Variants in TUSC3 observed in about 807,000 individuals in gnomAD.
TUSC3 encodes the protein dolichyl-diphosphooligosaccharide--protein glycosyltransferase subunit TUSC3.
In TUSC3, 45 loss-of-function variants were observed where a neutral mutation model predicts 44.8. The observed-to-expected ratio is 1.00, with a 90% confidence interval of 0.79 to 1.29. The LOEUF is 1.29. TUSC3 is among the 50% of genes most tolerant of loss of function. The pLI is 0.00. For synonymous variants in TUSC3, 212 were observed against 152.9 expected (o/e 1.39, Z -2.85); for missense variants, 519 against 437.9 (o/e 1.19, Z -1.65).
the TUSC3 span, among the ~76,000 whole-genome samples, chr8:15,804,435 T>G: frequency 1.3e-5 from 2 of 152,204 alleles, no homozygotes; most frequent in Admixed American, 1.3e-4. Context: ...TTTTTTAGGT[T>G]TTCTTCTAGG....
chr8:15,757,630 G>C (rs1309373803), intron 9 of TUSC3, among the ~76,000 whole-genome samples, 161 bp from the exon 10 acceptor site: 1 of 151,914 alleles, frequency 6.6e-6, no homozygotes, highest in African/African-American at 2.4e-5. Context: ...AGATGATTAA[G>C]AGATAAGCTG....
chr8:15,805,590 G>C, the TUSC3 span, among the ~76,000 whole-genome samples: 1 of 152,126 alleles, frequency 6.6e-6, no homozygotes, highest in Non-Finnish European at 1.5e-5. Context: ...AGATGATCAC[G>C]TGATTTTTGT....
chr8:15,622,604 CT>C (rs1384231620), intron 1 of TUSC3, among the ~76,000 whole-genome samples: 1 of 152,160 alleles, frequency 6.6e-6, no homozygotes, highest in Non-Finnish European at 1.5e-5. Context: ...CTATTTTTGA[CT>C]TTAAGTAGAA....
chr8:15,713,240 T>C (rs1401876023), intron 6 of TUSC3, among the ~76,000 whole-genome samples: 1 of 152,194 alleles, frequency 6.6e-6, no homozygotes, highest in Non-Finnish European at 1.5e-5. Context: ...TACAGTTTTA[T>C]GTGGTTTCTT....
chr8:15,587,251 C>T (rs1414086285), intron 1 of TUSC3, among the ~76,000 whole-genome samples: 1 of 152,112 alleles, frequency 6.6e-6, no homozygotes, highest in African/African-American at 2.4e-5. Flanking sequence ...CACTGCTCTC[C>T]CTGTATCCAT....
intron 2 of TUSC3, among the ~76,000 whole-genome samples, chr8:15,484,267 A>C (rs1015279021): frequency 2.0e-5 from 3 of 152,184 alleles, no homozygotes; most frequent in African/African-American, 7.2e-5. Context: ...TCTTAACTCA[A>C]ATGTCCACTC....
intron 2 of TUSC3, among the ~76,000 whole-genome samples, chr8:15,524,710 C>A (rs558459519): frequency 1.2e-4 from 19 of 152,204 alleles, no homozygotes; most frequent in African/African-American, 4.6e-4. Context: ...ACACCCAAAC[C>A]TAAAGTTCAT....
chr8:15,676,670 G>A (rs1331977096), intron 6 of TUSC3, among the ~76,000 whole-genome samples: 1 of 152,158 alleles, frequency 6.6e-6, no homozygotes, highest in African/African-American at 2.4e-5. Flanking sequence ...ACTACTGGCA[G>A]TTAGTGGTAG....
intron 6 of TUSC3, among the ~76,000 whole-genome samples, chr8:15,708,287 GA>G (rs1043867293): frequency 1.6e-4 from 25 of 151,862 alleles, no homozygotes; most frequent in Admixed American, 1.6e-3. Context: ...GGAATACTGA[GA>G]AAGTTGATTG....
At chr8:15,830,215 T>C in the TUSC3 span, among the ~76,000 whole-genome samples, 19 of 152,176 alleles carry the variant, frequency 1.2e-4, no homozygotes, top group Admixed American at 1.2e-3. Flanking sequence ...ATGCATAGTT[T>C]GTAAATATTT....
intron 2 of TUSC3, among the ~76,000 whole-genome samples, chr8:15,641,222 G>A (rs1195677426): frequency 6.6e-6 from 1 of 152,056 alleles, no homozygotes; most frequent in Non-Finnish European, 1.5e-5. Flanking sequence ...TTAGCTGGGC[G>A]CGGTGGCACT....
chr8:15,757,798 G>C lies in TUSC3; in HGVS notation c.1036G>C (p.Asp346His), dbSNP rs890372418. 3 of 1,442,220 alleles carry C rather than the reference G, an allele frequency of 2.1e-6. No individual in the cohort carries two copies. The highest frequency in any genetic ancestry group is 2.8e-5 in the African/African-American group (2 of 71,346). The allele number at this position is 1,442,220 out of a possible 1,614,324, so 89.3% of individuals were successfully genotyped here. A position where few individuals can be genotyped will look rare whatever the true frequency, so the allele number is the denominator to read the frequency against. ...KYHGYPYSDLDFE is the reference protein window; with the variant it reads ...KYHGYPYSDLHFE The stretch of plus-strand genomic sequence containing the variant: ...TTGTGGTGTATTGGAAAGTGATCTG[G>C]ACTTTGAGTGAGAAGATGTGATTTG... The change falls in exon 10 of 11, where the codon GAC (aspartate) becomes CAC (histidine). Residue 346 changes from aspartate to histidine, a missense_variant. By Grantham distance (81) the Asp-to-His change is moderately conservative. Coordinates refer to ENST00000503731, the MANE Select transcript of TUSC3 (RefSeq NM_006765.4).
In TUSC3 at chr8:15,764,546, T is replaced by A. The variant is rs1239135593; in HGVS notation, c.*390T>A. 1.1e-5 allele frequency: 3 copies of A among 277,190 alleles called. No homozygotes were observed. The highest frequency in any genetic ancestry group is 2.1e-5 in the Non-Finnish European group (3 of 142,916). 17.2% of individuals were successfully genotyped at this position (277,190 alleles called of 1,614,324 possible). On this transcript the variant is annotated 3_prime_UTR_variant, in exon 11 of 11. Transcript: ENST00000503731. ...GACCGCAATGTTAGTAAAGAAAACC[T>A]ATGAAATGTATGTTAAAGATTCTTA...
intron 2 of TUSC3, among the ~76,000 whole-genome samples, chr8:15,511,596 G>A (rs1047254826): frequency 2.7e-4 from 41 of 152,294 alleles, no homozygotes; most frequent in African/African-American, 8.2e-4. Context: ...AGGACTGGGT[G>A]CAGTAGCTCA....
rs188941767 is a variant in TUSC3 at position 15,628,675 on chromosome 8, A to G, written c.308+5426A>G. Among the ~76,000 whole-genome samples, 336 of 152,328 alleles carry G rather than the reference A, an allele frequency of 2.2e-3. 3 individuals are homozygous for G. Among genetic ancestry groups the G allele is most frequent in the Non-Finnish European group, 1.7e-3 (114 of 68,030 alleles). On this transcript the variant is annotated intron_variant, in intron 2 of 10. Coordinates refer to ENST00000503731, the MANE Select transcript of TUSC3 (RefSeq NM_006765.4). ...TTTGTATTTTATTCACTGAGAAGCA[A>G]TGGAAATGGAAAGGCTTAACTAATT...
At chr8:15,677,090 C>G (rs1334149369) in intron 6 of TUSC3, among the ~76,000 whole-genome samples, 1 of 152,032 alleles carries the variant, frequency 6.6e-6, no homozygotes, top group Non-Finnish European at 1.5e-5. Context: ...ACGATCATAG[C>G]TCACCGCAGC....
chr8:15,447,046 TGC>T (rs1563253052), intron 1 of TUSC3, among the ~76,000 whole-genome samples: 1 of 149,582 alleles, frequency 6.7e-6, no homozygotes, highest in East Asian at 2.0e-4. Context: ...GTTTCCCAAA[TGC>T]AGAAGAAAAA....
At chr8:15,518,594 C>G (rs1563272276) in intron 2 of TUSC3, among the ~76,000 whole-genome samples, 1 of 152,180 alleles carries the variant, frequency 6.6e-6, no homozygotes, top group East Asian at 1.9e-4. Context: ...ATATTTATAT[C>G]CTTTCCTTTT....
chr8:15,481,583 A>G lies in TUSC3; in HGVS notation n.92-1803A>G, dbSNP rs576685576. Among the ~76,000 whole-genome samples, 95 of 152,340 alleles carry G rather than the reference A, an allele frequency of 6.2e-4. 2 individuals are homozygous for G. Among genetic ancestry groups the G allele is most frequent in the Admixed American group, 4.1e-3 (62 of 15,298 alleles). On this transcript the variant is annotated intron_variant and non_coding_transcript_variant, in intron 1 of 5. Coordinates refer to the TUSC3 transcript ENST00000503191. ...GCAGGTTTTGTTCCAGACCACCGCA[A>G]TAAAGCAGGTATCACAGTAAAGCAG...
Sources: gnomAD v4.1 joint callset for allele counts (sites outside exome capture counted in the v4.1 genomes callset) on GRCh38, gnomAD v4.1.1 for gene constraint, MANE v1.5 for transcripts, NCBI Gene and HGNC (gene_info 2026-07-23, HGNC 2026-07-21) for gene names.